Variants in CASKIN1 observed in about 807,000 individuals in gnomAD.
CASKIN1 encodes CASK interacting protein 1.
Under a neutral mutation model 117.5 loss-of-function variants are expected in CASKIN1, and 42 were observed. The observed-to-expected ratio is 0.36, with a 90% CI of 0.28 to 0.46. The LOEUF (loss-of-function observed/expected upper bound fraction) is 0.46. Ranked by LOEUF, CASKIN1 falls within the 20% of genes least tolerant of loss-of-function variation. The pLI, the probability that CASKIN1 is intolerant of heterozygous loss-of-function variation, is 1.00. For missense variants in CASKIN1, 2,083 were observed against 2,077.3 expected (o/e 1.00, Z -0.05); for synonymous variants, 1,148 against 961.7 (o/e 1.19, Z -3.59).
chr16:2,178,025 A>C lies in CASKIN1; in HGVS notation c.*525T>G, dbSNP rs902255134. 1.6e-5 allele frequency: 7 copies of C among 435,802 alleles called. No homozygotes were observed. The highest frequency in any genetic ancestry group is 3.0e-5 in the Non-Finnish European group (7 of 231,600). 27.0% of individuals were successfully genotyped at this position (435,802 alleles called of 1,614,324 possible). A position where few individuals can be genotyped will look rare whatever the true frequency, so the allele number is the denominator to read the frequency against. On this transcript the variant is annotated 3_prime_UTR_variant, in exon 20 of 20. Transcript: ENST00000343516. ...TAAATGGTTTTCTATAGAATCAATA[A>C]TATTTCTTTCTTTAAATATATATTT...
At position 2,178,965 on chromosome 16, in the gene CASKIN1, C is replaced by T; in HGVS notation, c.4136G>A (p.Cys1379Tyr). ...ARQKLEETSA[C>Y]LAAALQAVEE... ...CACCGCCTGCAGCGCCGCGGCCAGGCACGCGCTTGTCTCCTCCAGTTTCTG... is the reference window on the plus strand; with the variant it reads ...CACCGCCTGCAGCGCCGCGGCCAGGTACGCGCTTGTCTCCTCCAGTTTCTG... Residue 1379 changes from cysteine to tyrosine, a missense_variant, in exon 19 of 20, where the codon TGC (cysteine) becomes TAC (tyrosine). Physicochemically the swap from Cys to Tyr is radical, Grantham distance 194. Coordinates refer to ENST00000343516, the MANE Select transcript of CASKIN1 (RefSeq NM_020764.4). 2 of 1,478,144 alleles carry T rather than the reference C, an allele frequency of 1.4e-6. No homozygotes were observed. The highest frequency in any genetic ancestry group is 2.9e-5 in the East Asian group (1 of 34,964). The allele number at this position is 1,478,144 out of a possible 1,614,324, so 91.6% of individuals were successfully genotyped here.
Position 2,180,290 on chromosome 16 carries a change from G to T in CASKIN1, c.3078C>A (p.Gly1026=). ...GGRAARRPPE[G]HPTPRPASPE... ...GGCTGGCAGGGCGGGGAGTGGGGTG[G>T]CCCTCAGGAGGCCTGCGGGCAGCCC... Residue 1026 remains glycine, a synonymous_variant, in exon 18 of 20, where the codon GGC becomes GGA. Coordinates refer to ENST00000343516, the MANE Select transcript of CASKIN1 (RefSeq NM_020764.4). 1 of 1,577,582 alleles carries T rather than the reference G, an allele frequency of 6.3e-7. No homozygotes were observed.
In CASKIN1 at chr16:2,181,155, G is replaced by C. The variant is rs201499431; in HGVS notation, c.2213C>G (p.Pro738Arg). The C allele has an allele frequency of 1.3e-6, 2 of 1,494,424 alleles. No homozygotes were observed. Among genetic ancestry groups the C allele is most frequent in the South Asian group, 1.3e-5 (1 of 74,744 alleles). 92.6% of individuals were successfully genotyped at this position (1,494,424 alleles called of 1,614,324 possible). A position where few individuals can be genotyped will look rare whatever the true frequency, so the allele number is the denominator to read the frequency against. The change falls in exon 18 of 20, where the codon CCG becomes CGG. Residue 738 changes from proline (P) to arginine (R), a missense_variant. Coordinates refer to ENST00000343516, the MANE Select transcript of CASKIN1 (RefSeq NM_020764.4). ...LLDEGPAPGT[P>R]PREARPGRHG... Reference sequence around the variant, plus strand: ...GCGGCCGGGCCGGGCCTCCCTGGGCGGGGTGCCGGGGGCGGGGCCCTCATC... The same window carrying C: ...GCGGCCGGGCCGGGCCTCCCTGGGCCGGGTGCCGGGGGCGGGGCCCTCATC...
Position 2,196,535 on chromosome 16 carries a change from CCGCCGCCTCCT to C in CASKIN1, c.-114_-104del, listed in dbSNP as rs1308784085. 3 of 330,744 alleles carry C rather than the reference CCGCCGCCTCCT, an allele frequency of 9.1e-6. No individual in the cohort carries two copies. In the East Asian group the frequency reaches 5.1e-4, roughly 56 times the overall value. 20.5% of individuals were successfully genotyped at this position (330,744 alleles called of 1,614,324 possible). On this transcript the variant is annotated 5_prime_UTR_variant, in exon 1 of 20. Transcript: ENST00000343516. The surrounding 1 kb of genome is among the most constrained non-coding windows in gnomAD (Gnocchi z 5.7). Reference sequence around the variant, plus strand: ...CCGGCCGCCTCCCCCGCCGCCTCCCCCGCCGCCTCCTCGCCGCCCGCCGCCCCTTCGCCCTC... The same window carrying C: ...CCGGCCGCCTCCCCCGCCGCCTCCCCCGCCGCCCGCCGCCCCTTCGCCCTC...
chr16:2,180,005 G>A lies in CASKIN1; in HGVS notation c.3363C>T (p.Ser1121=), dbSNP rs201029558. Residue 1121 remains serine, a synonymous_variant, in exon 18 of 20, where the codon AGC becomes AGT. Coordinates refer to ENST00000343516, the MANE Select transcript of CASKIN1 (RefSeq NM_020764.4). ...CCCGGATGCGCCTCTTGAGTGTGGC[G>A]CTGGCTTCCACCTTGGCCAAGGGCG... ...EGPPLAKVEA[S]ATLKRRIRAK... is the part of the protein sequence containing the mutation. The A allele has an allele frequency of 4.4e-6, 7 of 1,601,590 alleles. No homozygotes were observed. The East Asian group carries it at 9.1e-5, about 21-fold the overall frequency.
At chr16:2,195,206 T>A (rs914279972) in intron 1 of CASKIN1, among the ~76,000 whole-genome samples, 3 of 151,882 alleles carry the variant, frequency 2.0e-5, no homozygotes, top group Non-Finnish European at 4.4e-5. Context: ...CTGCACAGAG[T>A]GGACAGGAGC....
In CASKIN1 at chr16:2,189,076, T is replaced by G. The variant is rs779145728; in HGVS notation, c.568A>C (p.Thr190Pro). ...TTAGCTGCGAGGTGCAAAGGGCTGG[T>G]GCCGTTGGGGTCGGTGGCGTCTCCC... ...RPGDATDPNG[T>P]SPLHLAAKNG... The change falls in exon 6 of 20, where the codon ACC becomes CCC. Residue 190 changes from threonine to proline, a missense_variant. Around this residue, in one of 3 missense-constraint regions of CASKIN1, gnomAD observed 203 missense variants for 338.7 expected, o/e 0.60. Transcript: ENST00000343516. 6.2e-7 allele frequency: 1 copy of G among 1,613,568 alleles called. No individual in the cohort carries two copies. The highest frequency in any genetic ancestry group is 1.3e-5 in the African/African-American group (1 of 74,898).
intron 6 of CASKIN1, among the ~76,000 whole-genome samples, chr16:2,188,496 G>T (rs2093191493): frequency 6.6e-6 from 1 of 151,808 alleles, no homozygotes; most frequent in Non-Finnish European, 1.5e-5. Context: ...GTCTACAGGT[G>T]TGTGCCAACA....
In CASKIN1 at chr16:2,177,532, G is replaced by A. The variant is rs2093143655; in HGVS notation, c.*1018C>T. The A allele has an allele frequency of 4.3e-6, 1 of 234,270 alleles. No homozygotes were observed. 14.5% of individuals were successfully genotyped at this position (234,270 alleles called of 1,614,324 possible). ...AGGGGGCAGGAGGAGAGAGGAAAAGGGAGGGCGAGAATGACCACACAACAC... is the reference window on the plus strand; with the variant it reads ...AGGGGGCAGGAGGAGAGAGGAAAAGAGAGGGCGAGAATGACCACACAACAC... On this transcript the variant is annotated 3_prime_UTR_variant, in exon 20 of 20. Coordinates refer to ENST00000343516, the MANE Select transcript of CASKIN1 (RefSeq NM_020764.4).
Position 2,189,458 on chromosome 16 carries a change from G to T in CASKIN1, c.351C>A (p.Ile117=). 1 of 1,612,212 alleles carries T rather than the reference G, an allele frequency of 6.2e-7. No individual in the cohort carries two copies. Among genetic ancestry groups the T allele is most frequent in the Non-Finnish European group, 8.5e-7 (1 of 1,179,782 alleles). ...CATGCTGGGCCGCCAGGTGCAGGGG[G>T]ATGTGGCCCTCATCAGACGGGATGT... ...AVNIPSDEGH[I]PLHLAAQHGH... is the part of the protein sequence containing the mutation. The change falls in exon 4 of 20, where the codon ATC becomes ATA. Residue 117 remains isoleucine (I), a synonymous_variant. Coordinates refer to ENST00000343516, the MANE Select transcript of CASKIN1 (RefSeq NM_020764.4).
chr16:2,181,441 C>A lies in CASKIN1; in HGVS notation c.1927G>T (p.Asp643Tyr). The A allele has an allele frequency of 6.2e-7, 1 of 1,612,172 alleles. No homozygotes were observed. Among genetic ancestry groups the A allele is most frequent in the Non-Finnish European group, 8.5e-7 (1 of 1,179,808 alleles). Reference sequence around the variant, plus strand: ...GTGGTCATTTTAGGGGACTGGCAGTCGGCCGGTGTGGGCTCAGGCGGGGGC... The same window carrying A: ...GTGGTCATTTTAGGGGACTGGCAGTAGGCCGGTGTGGGCTCAGGCGGGGGC... ...SPPPPEPTPA[D>Y]CQSPKMTTFQ... The change falls in exon 18 of 20, where the codon GAC (aspartate) becomes TAC (tyrosine). Residue 643 changes from aspartate (D) to tyrosine (Y), a missense_variant. By Grantham distance (160) the Asp-to-Tyr change is radical (BLOSUM62 -3). Coordinates refer to ENST00000343516, the MANE Select transcript of CASKIN1 (RefSeq NM_020764.4).
chr16:2,195,589 G>C (rs752552656), intron 1 of CASKIN1, among the ~76,000 whole-genome samples: 1 of 152,228 alleles, frequency 6.6e-6, no homozygotes, highest in South Asian at 2.1e-4. Context: ...GCCCTTTCCT[G>C]GGGCCGGCCA....
At chr16:2,191,541 G>A (rs1336474219) in intron 1 of CASKIN1, among the ~76,000 whole-genome samples, 2 of 152,174 alleles carry the variant, frequency 1.3e-5, no homozygotes, top group Admixed American at 1.3e-4. Context: ...AAGCGTGCGC[G>A]GCCTGGCACA....
At position 2,180,084 on chromosome 16, in the gene CASKIN1, G is replaced by A. The variant is rs1365834870; in HGVS notation, c.3284C>T (p.Thr1095Ile). The change falls in exon 18 of 20, where the codon ACT becomes ATT. Residue 1095 changes from threonine (T) to isoleucine (I), a missense_variant. Transcript: ENST00000343516. Reference sequence around the variant, plus strand: ...GGGACCCCGAGGCCGCTGCCGGCCAGTGCCATCCTCCACAAAGGGGCCTGG... The same window carrying A: ...GGGACCCCGAGGCCGCTGCCGGCCAATGCCATCCTCCACAAAGGGGCCTGG... ...ADPGPFVEDG[T>I]GRQRPRGPSK... 4.5e-6 allele frequency: 7 copies of A among 1,566,896 alleles called. 1 individual carries two copies. The South Asian group carries it at 7.0e-5, about 16-fold the overall frequency.
chr16:2,178,927 G>C lies in CASKIN1; in HGVS notation c.4174C>G (p.Arg1392Gly), dbSNP rs1398216589. Reference sequence around the variant, plus strand: ...CGCGGGCCCTGCGCGTCCTCCTGCCGGATCTTCTCCTCCACCGCCTGCAGC... The same window carrying C: ...CGCGGGCCCTGCGCGTCCTCCTGCCCGATCTTCTCCTCCACCGCCTGCAGC... ...AALQAVEEKIRQEDAQGPRDS... is the reference protein window; with the variant it reads ...AALQAVEEKIGQEDAQGPRDS... The change falls in exon 19 of 20, where the codon CGG becomes GGG. Residue 1392 changes from arginine (R) to glycine (G), a missense_variant. Physicochemically the swap from Arg to Gly is moderately radical, Grantham distance 125 (BLOSUM62 -2). This residue lies in a region of CASKIN1 where 1,818 missense variants were observed against 1,688.9 expected (regional missense o/e 1.08). Coordinates refer to ENST00000343516, the MANE Select transcript of CASKIN1 (RefSeq NM_020764.4). The C allele has an allele frequency of 6.7e-7, 1 of 1,491,292 alleles. No homozygotes were observed. The highest frequency in any genetic ancestry group is 1.3e-5 in the South Asian group (1 of 78,692). The allele number at this position is 1,491,292 out of a possible 1,614,324, so 92.4% of individuals were successfully genotyped here.
chr16:2,196,407 T>A lies in CASKIN1; in HGVS notation c.26A>T (p.Gln9Leu). The stretch of plus-strand genomic sequence containing the variant: ...CCCTACGTCCTCCGCCTTCACCGCC[T>A]GCACCAGCTCCTGCTCCTTCCCCAT... MGKEQELVQAVKAEDVGTA... is the reference protein window; with the variant it reads MGKEQELVLAVKAEDVGTA... The change falls in exon 1 of 20, where the codon CAG (glutamine) becomes CTG (leucine). Residue 9 changes from glutamine to leucine, a missense_variant. Gln to Leu is a moderately radical substitution (Grantham distance 113, BLOSUM62 -2). This residue lies in a region of CASKIN1 where 62 missense variants were observed against 49.7 expected (regional missense o/e 1.25). Transcript: ENST00000343516. This position sits in a 1 kb window ranked among gnomAD's most constrained non-coding sequence, Gnocchi z 5.7. The A allele has an allele frequency of 7.3e-7, 1 of 1,362,502 alleles. No individual in the cohort carries two copies. Among genetic ancestry groups the A allele is most frequent in the Admixed American group, 2.3e-5 (1 of 42,870 alleles). 84.4% of individuals were successfully genotyped at this position (1,362,502 alleles called of 1,614,324 possible).
At chr16:2,190,214 C>G in intron 2 of CASKIN1, 44 bp from the exon 3 acceptor site, 1 of 1,602,592 alleles carries the variant, frequency 6.2e-7, no homozygotes, top group South Asian at 1.1e-5. Flanking sequence ...CCTGGCGCCC[C>G]GGCCTTCCCG....
At position 2,196,181 on chromosome 16, in the gene CASKIN1, G is replaced by C. The variant is rs554916314; in HGVS notation, c.94+158C>G. Among the ~76,000 whole-genome samples, 241 of 151,972 alleles carry C rather than the reference G, an allele frequency of 1.6e-3. 2 individuals carry two copies. Among genetic ancestry groups the C allele is most frequent in the African/African-American group, 5.8e-3 (241 of 41,512 alleles). ...CCCCATCTCCAGTGCTGGGGGCAGC[G>C]GGTGGAGGGCACGGACCAAGGGTCT... On this transcript the variant is annotated intron_variant, in intron 1 of 19. Coordinates refer to ENST00000343516, the MANE Select transcript of CASKIN1 (RefSeq NM_020764.4). The surrounding 1 kb of genome is among the most constrained non-coding windows in gnomAD (Gnocchi z 5.7).
rs372152995 is a variant in CASKIN1 at position 2,185,024 on chromosome 16, C to A, written c.1251G>T (p.Thr417=). 13 of 1,609,370 alleles carry A rather than the reference C, an allele frequency of 8.1e-6. No individual in the cohort carries two copies. Among genetic ancestry groups the A allele is most frequent in the Non-Finnish European group, 1.1e-5 (13 of 1,177,002 alleles). The stretch of plus-strand genomic sequence containing the variant: ...CAGAGACGGACTTCTGGGAAAGCAC[C>A]GTTGCCAGGAGCTGCAACCCAGAAA... ...AGSEGVKLLA[T]VLSQKSVSES... The change falls in exon 13 of 20, where the codon ACG becomes ACT. Residue 417 remains threonine, a synonymous_variant. Coordinates refer to ENST00000343516, the MANE Select transcript of CASKIN1 (RefSeq NM_020764.4).
Sources: gnomAD v4.1 joint callset for allele counts (sites outside exome capture counted in the v4.1 genomes callset) on GRCh38, gnomAD v4.1.1 for gene constraint, gnomAD v4.1.1 regional missense constraint, Gnocchi (gnomAD v3.1) non-coding constraint, MANE v1.5 for transcripts, NCBI Gene and HGNC (gene_info 2026-07-23, HGNC 2026-07-21) for gene names.